The following ZNF609 variants were observed in gnomAD, a reference collection of about 807,000 sequenced individuals.
ZNF609 encodes the protein zinc finger protein 609.
In ZNF609, 11 loss-of-function variants were observed where a neutral mutation model predicts 109.5. That is an observed-to-expected ratio of 0.10 (90% CI 0.06 to 0.17). The LOEUF is 0.17. Ranked by LOEUF, ZNF609 falls within the 10% of genes least tolerant of loss-of-function variation. ZNF609 has a pLI of 1.00. For missense variants in ZNF609, 1,559 were observed against 1,772.4 expected (o/e 0.88, Z 2.16); for synonymous variants, 646 against 662.0 (o/e 0.98, Z 0.37).
chr15:64,528,705 C>T lies in ZNF609; in HGVS notation c.747+28539C>T. 3.4e-6 allele frequency: 4 copies of T among 1,186,212 alleles called. No individual in the cohort carries two copies. In the South Asian group the frequency reaches 4.8e-5, roughly 14 times the overall value. 73.5% of individuals were successfully genotyped at this position (1,186,212 alleles called of 1,614,324 possible). ...GCATTGTGGGCCATGAGGTGCACCA[C>T]CCTGTTGCTGTAGCCAAATTCATTG... is the stretch of plus-strand genomic sequence containing the variant. On this transcript the variant is annotated intron_variant, in intron 2 of 9. Transcript: ENST00000326648.
chr15:64,477,860 C>T (rs1465798916), intron 1 of ZNF609, among the ~76,000 whole-genome samples: 1 of 151,946 alleles, frequency 6.6e-6, no homozygotes, highest in East Asian at 1.9e-4. Context: ...GAACTCCTGA[C>T]ATCAGGTGAT....
intron 8 of ZNF609, 65 bp from the exon 9 acceptor site, chr15:64,681,244 C>G: frequency 1.3e-6 from 2 of 1,498,982 alleles, no homozygotes; most frequent in Non-Finnish European, 1.8e-6. Flanking sequence ...CCCCAAAACT[C>G]AGGGAAAAAG....
rs28621654 is a variant in ZNF609 at position 64,512,908 on chromosome 15, G to T, written c.747+12742G>T. On this transcript the variant is annotated intron_variant, in intron 2 of 9. Transcript: ENST00000326648. Reference sequence around the variant, plus strand: ...AAATTGTGTGTCACATGGGTTTGGCGTGCAGATTATTTCCTCATCCAGGTA... The same window carrying T: ...AAATTGTGTGTCACATGGGTTTGGCTTGCAGATTATTTCCTCATCCAGGTA... Among the ~76,000 whole-genome samples, 597 of 152,118 alleles carry T rather than the reference G, an allele frequency of 3.9e-3. 4 individuals carry two copies. Among genetic ancestry groups the T allele is most frequent in the African/African-American group, 0.014 (566 of 41,510 alleles).
At chr15:64,563,716 C>T (rs1466729199) in intron 2 of ZNF609, among the ~76,000 whole-genome samples, 6 of 151,802 alleles carry the variant, frequency 4.0e-5, no homozygotes, top group Non-Finnish European at 5.9e-5. Context: ...GCAGAAGTTG[C>T]GGTGAGCCAA....
intron 2 of ZNF609, among the ~76,000 whole-genome samples, chr15:64,536,636 G>A (rs915822841): frequency 6.6e-6 from 1 of 151,950 alleles, no homozygotes; most frequent in Non-Finnish European, 1.5e-5. Context: ...CAGCACTTTG[G>A]GAGGCCGAGG....
At chr15:64,494,082 C>G (rs900892927) in intron 1 of ZNF609, among the ~76,000 whole-genome samples, 1 of 152,130 alleles carries the variant, frequency 6.6e-6, no homozygotes, top group Admixed American at 6.5e-5. Context: ...GTAGTACTTA[C>G]GAAAACTCTT....
intron 2 of ZNF609, among the ~76,000 whole-genome samples, chr15:64,589,609 T>C (rs1021881800): frequency 2.6e-5 from 4 of 152,344 alleles, no homozygotes; most frequent in Admixed American, 2.6e-4. Flanking sequence ...CAAAGTCCAT[T>C]TGTCGTAATC....
intron 2 of ZNF609, among the ~76,000 whole-genome samples, chr15:64,607,895 CTTTTTTTTTTTT>C (rs71133457): frequency 1.6e-4 from 2 of 12,258 alleles, no homozygotes; most frequent in Non-Finnish European, 4.5e-4. Flanking sequence ...TCTTTTCTTT[CTTTTTTTTTTTT>C]TTTTTTTTTG....
In ZNF609 at chr15:64,674,716, A is replaced by G. The variant is rs775025779; in HGVS notation, c.1862A>G (p.Asn621Ser). The G allele has an allele frequency of 6.4e-5, 103 of 1,614,038 alleles. No individual in the cohort carries two copies. Among genetic ancestry groups the G allele is most frequent in the Non-Finnish European group, 8.1e-5 (95 of 1,180,046 alleles). The change falls in exon 5 of 10, where the codon AAT becomes AGT. Residue 621 changes from asparagine to serine, a missense_variant. Asn to Ser is a conservative substitution (Grantham distance 46, BLOSUM62 1). This residue lies in a region of ZNF609 where 1,204 missense variants were observed against 1,314.1 expected (regional missense o/e 0.92). Coordinates refer to ENST00000326648, the MANE Select transcript of ZNF609 (RefSeq NM_015042.2). ...CCCTCAGTGATGGATGAAACAAGCAATGATGCCTTTGATTCTTTAGAAAGG... is the reference window on the plus strand; with the variant it reads ...CCCTCAGTGATGGATGAAACAAGCAGTGATGCCTTTGATTCTTTAGAAAGG... ...DGPSVMDETS[N>S]DAFDSLERKC...
At chr15:64,534,321 T>A (rs112289494) in intron 2 of ZNF609, among the ~76,000 whole-genome samples, 3,706 of 151,596 alleles carry the variant, frequency 0.024, 71 homozygotes, top group African/African-American at 0.052. Context: ...TTATTTATTT[T>A]TTTTTTTTAA....
At chr15:64,552,252 A>G (rs1174313601) in intron 2 of ZNF609, among the ~76,000 whole-genome samples, 2 of 152,160 alleles carry the variant, frequency 1.3e-5, no homozygotes, top group East Asian at 3.8e-4. Context: ...AAGGTTACAA[A>G]GGTATTCTAT....
At chr15:64,584,964 G>T in intron 2 of ZNF609, among the ~76,000 whole-genome samples, 1 of 149,836 alleles carries the variant, frequency 6.7e-6, no homozygotes, top group Non-Finnish European at 1.5e-5. Context: ...TAAGGAACTA[G>T]ACTCTCTAAG....
In ZNF609 at chr15:64,683,288, C is replaced by G. The variant is rs1440688055; in HGVS notation, c.*1602C>G. On this transcript the variant is annotated 3_prime_UTR_variant, in exon 10 of 10. Coordinates refer to ENST00000326648, the MANE Select transcript of ZNF609 (RefSeq NM_015042.2). Reference sequence around the variant, plus strand: ...CCAGAGTGCCAAAAGTGACTAGGAGCAGGAACTTGGCTCCGACTCAGTTTG... The same window carrying G: ...CCAGAGTGCCAAAAGTGACTAGGAGGAGGAACTTGGCTCCGACTCAGTTTG... The G allele has an allele frequency of 6.6e-6, 1 of 152,578 alleles. No homozygotes were observed. Among genetic ancestry groups the G allele is most frequent in the Non-Finnish European group, 1.5e-5 (1 of 68,042 alleles). The allele number at this position is 152,578 out of a possible 1,614,324, so 9.5% of individuals were successfully genotyped here.
intron 2 of ZNF609, among the ~76,000 whole-genome samples, chr15:64,581,617 C>A (rs1895106669): frequency 6.6e-6 from 1 of 152,098 alleles, no homozygotes; most frequent in African/African-American, 2.4e-5. Flanking sequence ...GGGAATGAAG[C>A]TTCACAGGCA....
At chr15:64,637,777 G>A (rs376628745) in intron 3 of ZNF609, among the ~76,000 whole-genome samples, 1 of 151,794 alleles carries the variant, frequency 6.6e-6, no homozygotes, top group South Asian at 2.1e-4. Flanking sequence ...GCATATTCTG[G>A]TTATTAGTCC....
chr15:64,675,792 G>T lies in ZNF609; in HGVS notation c.2938G>T (p.Val980Leu), dbSNP rs774976431. The change falls in exon 5 of 10, where the codon GTA becomes TTA. Residue 980 changes from valine to leucine, a missense_variant. Val to Leu is a conservative substitution (Grantham distance 32, BLOSUM62 1). Coordinates refer to ENST00000326648, the MANE Select transcript of ZNF609 (RefSeq NM_015042.2). Reference sequence around the variant, plus strand: ...CCTGTACTACAACCAGTATGCCTATGTACCCCCCTATGGCTACAGCGACCA... The same window carrying T: ...CCTGTACTACAACCAGTATGCCTATTTACCCCCCTATGGCTACAGCGACCA... ...QSLYYNQYAYVPPYGYSDQSY... is the reference protein window; with the variant it reads ...QSLYYNQYAYLPPYGYSDQSY... 1 of 1,614,188 alleles carries T rather than the reference G, an allele frequency of 6.2e-7. No homozygotes were observed. The highest frequency in any genetic ancestry group is 8.5e-7 in the Non-Finnish European group (1 of 1,180,042).
chr15:64,556,663 A>G (rs920805177), intron 2 of ZNF609, among the ~76,000 whole-genome samples: 1 of 152,194 alleles, frequency 6.6e-6, no homozygotes, highest in Non-Finnish European at 1.5e-5. Flanking sequence ...AGTCTTTCAC[A>G]TAATGCCAGT....
chr15:64,655,130 A>C (rs1024472526), intron 3 of ZNF609, among the ~76,000 whole-genome samples: 1 of 146,266 alleles, frequency 6.8e-6, no homozygotes. Context: ...AGTTGAGGGG[A>C]AAAAAAACAG....
rs149715072 is a variant in ZNF609, at chr15:64,685,447, C to T, written c.*3761C>T. On this transcript the variant is annotated 3_prime_UTR_variant, in exon 10 of 10. Coordinates refer to ENST00000326648, the MANE Select transcript of ZNF609 (RefSeq NM_015042.2). Reference sequence around the variant, plus strand: ...TTGAATCCAGTGTCCAGACTACCTGCCTTGTAACCCTTTTCTGCCCAGCAT... The same window carrying T: ...TTGAATCCAGTGTCCAGACTACCTGTCTTGTAACCCTTTTCTGCCCAGCAT... 12 of 152,922 alleles carry T rather than the reference C, an allele frequency of 7.8e-5. 2 individuals carry two copies. Among genetic ancestry groups the T allele is most frequent in the African/African-American group, 2.9e-4 (12 of 41,546 alleles). The allele number at this position is 152,922 out of a possible 1,614,324, so 9.5% of individuals were successfully genotyped here.
Sources: gnomAD v4.1 joint callset for allele counts (sites outside exome capture counted in the v4.1 genomes callset) on GRCh38, gnomAD v4.1.1 for gene constraint, gnomAD v4.1.1 regional missense constraint, MANE v1.5 for transcripts, NCBI Gene and HGNC (gene_info 2026-07-23, HGNC 2026-07-21) for gene names.